HHAT: variants seen among roughly 807,000 people sequenced by gnomAD.
The protein encoded by HHAT is hedgehog acyltransferase, also known as protein-cysteine N-palmitoyltransferase HHAT.
In HHAT, 47 loss-of-function variants were observed where a neutral mutation model predicts 70.8. The observed-to-expected ratio is 0.66, with a 90% CI of 0.53 to 0.85. The LOEUF is 0.85. HHAT is among the 40% of genes least tolerant of loss of function. The probability of loss-of-function intolerance (pLI) is 0.00; values close to 1 mark genes in which losing one functional copy is unlikely to be tolerated. For synonymous variants in HHAT, 228 were observed against 247.6 expected (o/e 0.92, Z 0.74); for missense variants, 609 against 604.8 (o/e 1.01, Z -0.07).
intron 8 of HHAT, among the ~76,000 whole-genome samples, chr1:210,475,753 G>C (rs2094295977): frequency 6.6e-6 from 1 of 152,146 alleles, no homozygotes. Flanking sequence ...TATTCTTTTT[G>C]TAATATGGAG....
At chr1:210,395,776 T>C (rs892542722) in intron 4 of HHAT, among the ~76,000 whole-genome samples, 32 of 152,336 alleles carry the variant, frequency 2.1e-4, no homozygotes, top group African/African-American at 7.5e-4. Context: ...ATTTTACTGC[T>C]ATTTTCTTGT....
At chr1:210,556,069 G>A (rs959967420) in intron 9 of HHAT, among the ~76,000 whole-genome samples, 3 of 151,924 alleles carry the variant, frequency 2.0e-5, no homozygotes, top group Non-Finnish European at 4.4e-5. Flanking sequence ...GAGCCAGAAC[G>A]TTAGTGTGCA....
rs144885065 is a variant in HHAT, at chr1:210,660,236, T to C, written c.1391-14052T>C. Among the ~76,000 whole-genome samples, 617 of 152,298 alleles carry C rather than the reference T, an allele frequency of 4.1e-3. 6 individuals are homozygous for C. Among genetic ancestry groups the C allele is most frequent in the African/African-American group, 0.014 (595 of 41,570 alleles). ...GCAAAGTCTCAGGATACAAAATCAA[T>C]GTGCAAAAATCACAGCATTCCTATA... On this transcript the variant is annotated intron_variant, in intron 11 of 11. Coordinates refer to ENST00000261458, the MANE Select transcript of HHAT (RefSeq NM_018194.6).
chr1:210,506,037 C>T (rs12121566), intron 8 of HHAT, among the ~76,000 whole-genome samples: 83,092 of 151,962 alleles, frequency 0.55, 24,065 homozygotes, highest in South Asian at 0.67. Flanking sequence ...GCCATGGACA[C>T]GGTGTGTGGG....
At chr1:210,563,174 G>C (rs2095640094) in intron 9 of HHAT, among the ~76,000 whole-genome samples, 1 of 152,166 alleles carries the variant, frequency 6.6e-6, no homozygotes, top group African/African-American at 2.4e-5. Context: ...TAAGTACCTA[G>C]AGGGAATACA....
At chr1:210,419,238 T>C (rs1023091378) in intron 7 of HHAT, among the ~76,000 whole-genome samples, 4 of 152,142 alleles carry the variant, frequency 2.6e-5, no homozygotes, top group Non-Finnish European at 1.5e-5. Flanking sequence ...TGTCTTGGGA[T>C]AGAATAAATG....
At chr1:210,530,843 T>G (rs2095307375) in intron 9 of HHAT, among the ~76,000 whole-genome samples, 1 of 152,268 alleles carries the variant, frequency 6.6e-6, no homozygotes. Context: ...TAGTGAATTC[T>G]CTGTTCAGAT....
chr1:210,423,692 A>T (rs987188919), intron 7 of HHAT, among the ~76,000 whole-genome samples: 1 of 152,138 alleles, frequency 6.6e-6, no homozygotes, highest in African/African-American at 2.4e-5. Flanking sequence ...CTTCAGGTAT[A>T]CACATAGGTC....
At chr1:210,355,855 C>T (rs185638855) in intron 2 of HHAT, among the ~76,000 whole-genome samples, 84 of 152,192 alleles carry the variant, frequency 5.5e-4, no homozygotes, top group African/African-American at 2.0e-3. Flanking sequence ...TTTTCAGTAC[C>T]TTTCAGGGTT....
In HHAT at chr1:210,466,742, A is replaced by G. The variant is rs569147772; in HGVS notation, c.1007+2087A>G. On this transcript the variant is annotated intron_variant, in intron 8 of 11. Coordinates refer to ENST00000261458, the MANE Select transcript of HHAT (RefSeq NM_018194.6). ...CAGTTGACTATATTTCATATTCAAA[A>G]TGATTGTCTTGTCCTTTATTTTAAT... Among the ~76,000 whole-genome samples the G allele has an allele frequency of 3.1e-4, 46 of 150,534 alleles. No individual in the cohort carries two copies. In the South Asian group the frequency reaches 5.6e-3, roughly 18 times the overall value.
At chr1:210,573,801 A>C (rs1026505602) in intron 9 of HHAT, among the ~76,000 whole-genome samples, 3 of 152,202 alleles carry the variant, frequency 2.0e-5, no homozygotes, top group African/African-American at 7.2e-5. Flanking sequence ...AGAGGAGAAC[A>C]CAGTGGCAGC....
intron 3 of HHAT, among the ~76,000 whole-genome samples, chr1:210,381,279 T>C (rs742559): frequency 6.6e-6 from 1 of 151,380 alleles, no homozygotes; most frequent in Admixed American, 6.6e-5. Context: ...TTTAAAAAAA[T>C]TTTTTACTTT....
chr1:210,485,133 A>G (rs76066350), intron 8 of HHAT, among the ~76,000 whole-genome samples: 2 of 152,206 alleles, frequency 1.3e-5, no homozygotes, highest in Admixed American at 1.3e-4. Context: ...ACATGAGAAT[A>G]TGAATGAGGA....
intron 3 of HHAT, among the ~76,000 whole-genome samples, chr1:210,372,620 T>G (rs1415125293): frequency 6.6e-6 from 1 of 152,202 alleles, no homozygotes; most frequent in African/African-American, 2.4e-5. Flanking sequence ...AACAAGCATC[T>G]TGCACGGAAG....
intron 10 of HHAT, among the ~76,000 whole-genome samples, chr1:210,617,396 G>C (rs978285068): frequency 3.3e-5 from 5 of 152,248 alleles, no homozygotes; most frequent in African/African-American, 1.2e-4. Context: ...ATGAAGTAGA[G>C]AGAGGAAGGC....
chr1:210,569,293 G>C (rs1655568461), intron 9 of HHAT, among the ~76,000 whole-genome samples: 1 of 147,094 alleles, frequency 6.8e-6, no homozygotes, highest in Admixed American at 7.0e-5. Flanking sequence ...AGAATCGCTT[G>C]AACCTGGGAG....
intron 10 of HHAT, among the ~76,000 whole-genome samples, chr1:210,596,262 A>G (rs1249606190): frequency 2.0e-5 from 3 of 152,160 alleles, no homozygotes; most frequent in Non-Finnish European, 4.4e-5. Context: ...TTCTTAATTA[A>G]TACTTGACTT....
At chr1:210,590,295 ATCAATTTCCTGT>A (rs1661376184) in intron 10 of HHAT, 1 of 152,042 alleles carries the variant, frequency 6.6e-6, no homozygotes, top group Admixed American at 6.6e-5. Flanking sequence ...CTTTTCATGA[ATCAATTTCCTGT>A]TCTTCTGTCA....
chr1:210,452,188 C>G (rs2093769203), intron 7 of HHAT, among the ~76,000 whole-genome samples: 1 of 152,192 alleles, frequency 6.6e-6, no homozygotes, highest in Non-Finnish European at 1.5e-5. Flanking sequence ...TTGGCATTCT[C>G]CCCCTTCTCC....
Sources: allele counts gnomAD v4.1 joint callset (sites outside exome capture counted in the v4.1 genomes callset), GRCh38; gene constraint gnomAD v4.1.1; transcripts MANE v1.5; gene names NCBI Gene and HGNC (gene_info 2026-07-23, HGNC 2026-07-21).